ODR4: variants seen among roughly 807,000 people sequenced by gnomAD.
The protein encoded by ODR4 is odr-4 GPCR localization factor homolog.
In ODR4, 47 loss-of-function variants were observed where a neutral mutation model predicts 60.2. That is an observed-to-expected ratio of 0.78 (90% CI 0.62 to 1.00). The LOEUF (loss-of-function observed/expected upper bound fraction) is 1.00. Ranked by LOEUF, ODR4 falls within the 50% of genes least tolerant of loss-of-function variation. The pLI is 0.00. For missense variants in ODR4, 488 were observed against 530.8 expected (o/e 0.92, Z 0.79); for synonymous variants, 178 against 175.5 (o/e 1.01, Z -0.11).
At chr1:186,382,147 TG>T (rs1660059939) in intron 2 of ODR4, among the ~76,000 whole-genome samples, 1 of 151,612 alleles carries the variant, frequency 6.6e-6, no homozygotes, top group African/African-American at 2.4e-5. Context: ...GGCTCATGCC[TG>T]TAATCCCAAT....
At position 186,419,831 on chromosome 1, in the gene ODR4, A is replaced by G. The variant is rs1054728754; in HGVS notation, c.*755A>G. The G allele has an allele frequency of 6.6e-6, 1 of 152,242 alleles. No homozygotes were observed. The highest frequency in any genetic ancestry group is 1.5e-5 in the Non-Finnish European group (1 of 68,052). The allele number at this position is 152,242 out of a possible 1,614,324, so 9.4% of individuals were successfully genotyped here. On this transcript the variant is annotated 3_prime_UTR_variant, in exon 14 of 14. Coordinates refer to ENST00000287859, the MANE Select transcript of ODR4 (RefSeq NM_017847.6). Reference sequence around the variant, plus strand: ...TACCAAATGAGACAACAACTTTAGGATAAGTTCATCCTCTAGGAGCTTTCT... The same window carrying G: ...TACCAAATGAGACAACAACTTTAGGGTAAGTTCATCCTCTAGGAGCTTTCT...
intron 8 of ODR4, 100 bp downstream of exon 8, chr1:186,391,891 C>A (rs1660482885): frequency 2.8e-6 from 2 of 707,484 alleles, no homozygotes; most frequent in Admixed American, 5.7e-5. Context: ...CTGATTTCAT[C>A]TACCTCTCAT....
chr1:186,393,886 A>G, intron 8 of ODR4, 61 bp from the exon 9 acceptor site: 1 of 861,050 alleles, frequency 1.2e-6, no homozygotes, highest in African/African-American at 1.7e-5. Flanking sequence ...ATAGTTTATA[A>G]GTTGTCTTTT....
intron 9 of ODR4, among the ~76,000 whole-genome samples, chr1:186,395,201 T>C (rs914539032): frequency 6.6e-6 from 1 of 152,148 alleles, no homozygotes; most frequent in African/African-American, 2.4e-5. Context: ...TTCACGCCAT[T>C]CTCCTGCCTC....
At chr1:186,407,130 G>A (rs1661201847) in intron 12 of ODR4, among the ~76,000 whole-genome samples, 1 of 152,010 alleles carries the variant, frequency 6.6e-6, no homozygotes. Flanking sequence ...TCGTGATGTA[G>A]AGCAATAAGC....
intron 11 of ODR4, chr1:186,400,713 A>G (rs1660910330): frequency 4.4e-6 from 1 of 226,988 alleles, no homozygotes; most frequent in Non-Finnish European, 8.5e-6. Flanking sequence ...TCTTTTTTTT[A>G]TATTCCTAGT....
the ODR4 span, among the ~76,000 whole-genome samples, chr1:186,427,082 G>T: frequency 6.6e-6 from 1 of 152,228 alleles, no homozygotes; most frequent in East Asian, 1.9e-4. Flanking sequence ...GAAGGTTTTT[G>T]TCTTGATGTT....
At position 186,419,083 on chromosome 1, in the gene ODR4, G is replaced by A; in HGVS notation, c.*7G>A. 6.2e-7 allele frequency: 1 copy of A among 1,605,918 alleles called. No individual in the cohort carries two copies. Among genetic ancestry groups the A allele is most frequent in the Non-Finnish European group, 8.5e-7 (1 of 1,174,910 alleles). ...TCATTACTTCAGTGATTAGGGTGAG[G>A]CACAAAGAGTTTCTTGATCATCCAG... On this transcript the variant is annotated 3_prime_UTR_variant, in exon 14 of 14. Transcript: ENST00000287859.
At chr1:186,416,042 A>C (rs1268269296) in intron 12 of ODR4, among the ~76,000 whole-genome samples, 2 of 152,266 alleles carry the variant, frequency 1.3e-5, no homozygotes, top group East Asian at 3.9e-4. Context: ...TAAATATTTT[A>C]GGCTTTGTGA....
chr1:186,384,302 T>A (rs1029525462), intron 3 of ODR4, among the ~76,000 whole-genome samples: 231 of 151,692 alleles, frequency 1.5e-3, no homozygotes, highest in Non-Finnish European at 2.4e-3. Context: ...CTTTTTTTTT[T>A]AACAACCAGC....
rs1278042953 is a variant in ODR4, at chr1:186,419,829, G to C, written c.*753G>C. ...TCTACCAAATGAGACAACAACTTTA[G>C]GATAAGTTCATCCTCTAGGAGCTTT... is the stretch of plus-strand genomic sequence containing the variant. On this transcript the variant is annotated 3_prime_UTR_variant, in exon 14 of 14. Coordinates refer to ENST00000287859, the MANE Select transcript of ODR4 (RefSeq NM_017847.6). 6.6e-6 allele frequency: 1 copy of C among 152,138 alleles called. No homozygotes were observed. Among genetic ancestry groups the C allele is most frequent in the Admixed American group, 6.5e-5 (1 of 15,270 alleles). 9.4% of individuals were successfully genotyped at this position (152,138 alleles called of 1,614,324 possible). A position where few individuals can be genotyped will look rare whatever the true frequency, so the allele number is the denominator to read the frequency against.
chr1:186,399,526 A>G (rs1343847922), intron 11 of ODR4, among the ~76,000 whole-genome samples: 2 of 98,840 alleles, frequency 2.0e-5, no homozygotes, highest in Non-Finnish European at 4.7e-5. Context: ...AACGTTTTAG[A>G]ACACTATCAA....
intron 2 of ODR4, among the ~76,000 whole-genome samples, chr1:186,380,638 G>A (rs1490568426): frequency 1.3e-5 from 2 of 150,336 alleles, no homozygotes; most frequent in Non-Finnish European, 2.9e-5. Flanking sequence ...ACACAGGAGA[G>A]TGCACTTTGG....
intron 2 of ODR4, 74 bp from the exon 3 acceptor site, chr1:186,382,948 G>A: frequency 7.0e-7 from 1 of 1,436,408 alleles, no homozygotes; most frequent in East Asian, 2.5e-5. Context: ...AAAAGCTAAG[G>A]AATTTAGGTA....
chr1:186,429,054 T>C, the ODR4 span, among the ~76,000 whole-genome samples: 2 of 152,094 alleles, frequency 1.3e-5, no homozygotes, highest in African/African-American at 4.8e-5. Context: ...GGCAACGTGA[T>C]GAAATCTTGT....
chr1:186,399,103 T>C, intron 11 of ODR4, 59 bp downstream of exon 11: 1 of 1,049,570 alleles, frequency 9.5e-7, no homozygotes, highest in Non-Finnish European at 1.5e-6. Flanking sequence ...TAATAAGATA[T>C]CAAGATATAG....
chr1:186,382,842 G>A (rs1270556810), intron 2 of ODR4, among the ~76,000 whole-genome samples, 180 bp from the exon 3 acceptor site: 5 of 152,120 alleles, frequency 3.3e-5, no homozygotes, highest in African/African-American at 1.2e-4. Flanking sequence ...AGATTGTAAG[G>A]CCATCCTTGA....
At chr1:186,391,608 A>G (rs1015744373) in intron 7 of ODR4, 88 bp from the exon 8 acceptor site, 29 of 828,322 alleles carry the variant, frequency 3.5e-5, no homozygotes, top group Middle Eastern at 3.0e-4. Flanking sequence ...TAATATTTCA[A>G]TTTATTAGGT....
chr1:186,389,384 T>A (rs546801557), intron 5 of ODR4, among the ~76,000 whole-genome samples: 29 of 152,116 alleles, frequency 1.9e-4, no homozygotes, highest in Admixed American at 5.9e-4. Context: ...AGTACTATAG[T>A]GATAGCAGTT....
Sources: allele counts gnomAD v4.1 joint callset (sites outside exome capture counted in the v4.1 genomes callset), GRCh38; gene constraint gnomAD v4.1.1; transcripts MANE v1.5; gene names NCBI Gene and HGNC (gene_info 2026-07-23, HGNC 2026-07-21).